The following RALYL variants were observed in gnomAD, a reference collection of about 807,000 sequenced individuals.
RALYL encodes the protein RNA-binding Raly-like protein.
Under a neutral mutation model 35.1 loss-of-function variants are expected in RALYL, and 29 were observed. The observed-to-expected ratio is 0.83, with a 90% CI of 0.61 to 1.13. RALYL has a LOEUF of 1.13. Among genes scored for constraint, RALYL ranks in the 50% most tolerant of loss-of-function variants. RALYL has a pLI of 0.00. For missense variants in RALYL, 359 were observed against 360.4 expected (o/e 1.00, Z 0.03); for synonymous variants, 120 against 127.6 (o/e 0.94, Z 0.40).
At chr8:84,209,745 A>C (rs1015304863) in intron 1 of RALYL, among the ~76,000 whole-genome samples, 6 of 152,198 alleles carry the variant, frequency 3.9e-5, no homozygotes, top group Non-Finnish European at 5.9e-5. Flanking sequence ...CTGTAATACC[A>C]TCAGATAAAT....
intron 1 of RALYL, among the ~76,000 whole-genome samples, chr8:84,386,340 AC>A (rs1767598636): frequency 6.6e-6 from 1 of 151,868 alleles, no homozygotes; most frequent in African/African-American, 2.4e-5. Flanking sequence ...TTAGACTAGT[AC>A]AAAGAATATT....
intron 1 of RALYL, among the ~76,000 whole-genome samples, chr8:84,469,261 C>T (rs538420156): frequency 3.3e-5 from 5 of 152,110 alleles, no homozygotes; most frequent in African/African-American, 1.2e-4. Flanking sequence ...GTTTTTTCCC[C>T]ATCTTTGTGG....
chr8:84,198,757 C>T (rs963773648), intron 1 of RALYL, among the ~76,000 whole-genome samples: 3 of 152,154 alleles, frequency 2.0e-5, no homozygotes, highest in African/African-American at 7.2e-5. Context: ...ATTGATCTTT[C>T]TGTGCCTATC....
At chr8:84,532,154 G>A (rs1367391053) in intron 2 of RALYL, among the ~76,000 whole-genome samples, 1 of 152,038 alleles carries the variant, frequency 6.6e-6, no homozygotes, top group East Asian at 1.9e-4. Flanking sequence ...TTCATACAAA[G>A]CAAGTACATT....
intron 2 of RALYL, among the ~76,000 whole-genome samples, chr8:84,747,731 T>A (rs936535334): frequency 6.6e-6 from 1 of 151,982 alleles, no homozygotes; most frequent in Non-Finnish European, 1.5e-5. Context: ...TAATTTATTA[T>A]CTCTCTAATT....
At chr8:84,816,225 G>A (rs887798383) in intron 4 of RALYL, among the ~76,000 whole-genome samples, 1 of 151,962 alleles carries the variant, frequency 6.6e-6, no homozygotes, top group Non-Finnish European at 1.5e-5. Flanking sequence ...TCCATTTTAA[G>A]GTTACATGTC....
chr8:84,623,674 A>C (rs1052471741), intron 2 of RALYL, among the ~76,000 whole-genome samples: 5 of 152,152 alleles, frequency 3.3e-5, no homozygotes, highest in Admixed American at 1.3e-4. Flanking sequence ...TTTTTCTCTA[A>C]ATAGGAGCAG....
At chr8:84,510,434 C>T in intron 1 of RALYL, among the ~76,000 whole-genome samples, 1 of 152,142 alleles carries the variant, frequency 6.6e-6, no homozygotes, top group Non-Finnish European at 1.5e-5. Context: ...CCTGGAGTAT[C>T]ATATCACATA....
intron 2 of RALYL, among the ~76,000 whole-genome samples, chr8:84,662,427 A>G (rs961099562): frequency 6.6e-6 from 1 of 152,228 alleles, no homozygotes; most frequent in Admixed American, 6.5e-5. Context: ...TGATTTTATG[A>G]AATTAAGACA....
intron 1 of RALYL, among the ~76,000 whole-genome samples, chr8:84,240,791 T>G (rs1346913978): frequency 6.6e-6 from 1 of 152,180 alleles, no homozygotes; most frequent in Non-Finnish European, 1.5e-5. Flanking sequence ...AGCTCAAATT[T>G]GAGAATGAAC....
chr8:84,913,041 T>TAGGTAGATAGATAGAC (rs1587191178), intron 8 of RALYL, among the ~76,000 whole-genome samples: 1 of 43,366 alleles, frequency 2.3e-5, no homozygotes, highest in Admixed American at 1.9e-4. Context: ...GATAGGTAGG[T>TAGGTAGATAGATAGAC]AGATAGATAG....
intron 1 of RALYL, among the ~76,000 whole-genome samples, chr8:84,421,650 G>T (rs1215427180): frequency 5.3e-5 from 7 of 132,124 alleles, no homozygotes; most frequent in Admixed American, 2.3e-4. Flanking sequence ...ATGCTTCCAG[G>T]TTTTGCCCAT....
At chr8:84,344,127 G>A (rs1849374018) in intron 1 of RALYL, among the ~76,000 whole-genome samples, 1 of 151,832 alleles carries the variant, frequency 6.6e-6, no homozygotes, top group Non-Finnish European at 1.5e-5. Flanking sequence ...CACAGTGGGA[G>A]GATTTGTTTT....
chr8:84,424,871 G>T (rs1454693980), intron 1 of RALYL, among the ~76,000 whole-genome samples: 1 of 151,808 alleles, frequency 6.6e-6, no homozygotes, highest in East Asian at 1.9e-4. Flanking sequence ...CGGGGGTCAG[G>T]GGTCAGGGAC....
intron 1 of RALYL, among the ~76,000 whole-genome samples, chr8:84,221,674 A>G (rs1822247017): frequency 1.3e-5 from 2 of 152,114 alleles, no homozygotes; most frequent in South Asian, 4.1e-4. Context: ...ATTAGATACT[A>G]GGAGTCCACG....
At chr8:84,893,925 A>T (rs1004791667) in intron 8 of RALYL, among the ~76,000 whole-genome samples, 5 of 152,230 alleles carry the variant, frequency 3.3e-5, no homozygotes, top group African/African-American at 1.2e-4. Flanking sequence ...TGTAATACTT[A>T]GACATGAAAG....
At chr8:84,296,623 ATTTTT>A (rs397891420) in intron 1 of RALYL, among the ~76,000 whole-genome samples, 1,847 of 76,690 alleles carry the variant, frequency 0.024, 50 homozygotes, top group African/African-American at 0.087. Context: ...TCTCTCTTGC[ATTTTT>A]TTTTTTTTTT....
At chr8:84,706,139 A>T (rs1238100623) in intron 2 of RALYL, 2 of 1,290,884 alleles carry the variant, frequency 1.5e-6, no homozygotes, top group Non-Finnish European at 2.2e-6. Flanking sequence ...ACTAATCATG[A>T]CTTCTTCAGA....
intron 1 of RALYL, among the ~76,000 whole-genome samples, chr8:84,449,798 C>T (rs1322580712): frequency 6.6e-6 from 1 of 151,904 alleles, no homozygotes; most frequent in Non-Finnish European, 1.5e-5. Context: ...TGAATTTGTT[C>T]ATAATATGAG....
Sources: gnomAD v4.1 joint callset for allele counts (sites outside exome capture counted in the v4.1 genomes callset) on GRCh38, gnomAD v4.1.1 for gene constraint, MANE v1.5 for transcripts, NCBI Gene and HGNC (gene_info 2026-07-23, HGNC 2026-07-21) for gene names.